The following MDGA2 variants were observed in gnomAD, a reference collection of about 807,000 sequenced individuals.
MDGA2 encodes MAM domain-containing glycosylphosphatidylinositol anchor protein 2.
In MDGA2, 40 loss-of-function variants were observed where a neutral mutation model predicts 117.8. The ratio of observed to expected loss-of-function variants is 0.34; its 90% confidence interval spans 0.26 to 0.44. The LOEUF is 0.44. MDGA2 is among the 20% of genes least tolerant of loss of function. The pLI, the probability that MDGA2 is intolerant of heterozygous loss-of-function variation, is 1.00. For missense variants in MDGA2, 1,123 were observed against 1,250.6 expected (o/e 0.90, Z 1.54); for synonymous variants, 452 against 439.0 (o/e 1.03, Z -0.37).
chr14:47,469,864 T>G (rs897660963), intron 1 of MDGA2, among the ~76,000 whole-genome samples: 1 of 152,144 alleles, frequency 6.6e-6, no homozygotes, highest in African/African-American at 2.4e-5. Context: ...TGTCAGCACT[T>G]TCATGTTATA....
intron 10 of MDGA2, among the ~76,000 whole-genome samples, chr14:46,910,468 A>G (rs954282949): frequency 4.6e-5 from 7 of 152,110 alleles, no homozygotes; most frequent in African/African-American, 9.7e-5. Flanking sequence ...AACTGTTCCT[A>G]TGGTCCTTCA....
chr14:46,918,824 C>T (rs1595043967), intron 10 of MDGA2, among the ~76,000 whole-genome samples: 1 of 145,162 alleles, frequency 6.9e-6, no homozygotes, highest in African/African-American at 2.7e-5. Context: ...TGCAGTGGCG[C>T]GACCTCGGCT....
At chr14:47,054,884 TA>T (rs1259167155) in intron 7 of MDGA2, among the ~76,000 whole-genome samples, 1 of 151,858 alleles carries the variant, frequency 6.6e-6, no homozygotes, top group Non-Finnish European at 1.5e-5. Flanking sequence ...ATGTTAGAGC[TA>T]AAACCATAAA....
chr14:46,877,443 GTATT>G (rs568070086), intron 12 of MDGA2, 42 bp downstream of exon 12: 3 of 1,058,188 alleles, frequency 2.8e-6, no homozygotes, highest in Non-Finnish European at 2.7e-6. Context: ...TTATATTTTT[GTATT>G]TATTAAATAT....
Position 46,998,942 on chromosome 14 carries a change from T to C in MDGA2, c.1819+36069A>G, listed in dbSNP as rs76276879. 7.6e-4 allele frequency among the ~76,000 whole-genome samples: 116 copies of C among 152,146 alleles called. 1 individual carries two copies. In the East Asian group the frequency reaches 0.021, roughly 28 times the overall value. On this transcript the variant is annotated intron_variant, in intron 8 of 16. Transcript: ENST00000399232. ...CTACAAATTGTTCTATCATAAGAAA[T>C]CTCAGGAACCTACCCTTCCCAGTAG...
chr14:47,622,633 A>C (rs1422974497), intron 1 of MDGA2, among the ~76,000 whole-genome samples: 1 of 152,230 alleles, frequency 6.6e-6, no homozygotes, highest in Non-Finnish European at 1.5e-5. Flanking sequence ...GCTGATCTTT[A>C]GGAAGTTGCA....
intron 1 of MDGA2, among the ~76,000 whole-genome samples, chr14:47,672,101 C>T (rs1594975113): frequency 6.6e-6 from 1 of 152,142 alleles, no homozygotes; most frequent in African/African-American, 2.4e-5. Flanking sequence ...CAGGGTGATG[C>T]TAATGCTGAA....
At chr14:47,299,479 G>C (rs906128486) in intron 2 of MDGA2, 1 of 152,084 alleles carries the variant, frequency 6.6e-6, no homozygotes, top group Non-Finnish European at 1.5e-5. Flanking sequence ...GCTTCTTTTG[G>C]ATGTGTTTAG....
intron 1 of MDGA2, among the ~76,000 whole-genome samples, chr14:47,383,549 T>A (rs1891684209): frequency 6.6e-6 from 1 of 151,998 alleles, no homozygotes; most frequent in African/African-American, 2.4e-5. Flanking sequence ...CTTGAATTTC[T>A]TTTTTTCGAG....
intron 10 of MDGA2, among the ~76,000 whole-genome samples, chr14:46,897,008 AGGGTTCT>A (rs1883102527): frequency 6.6e-6 from 1 of 152,168 alleles, no homozygotes; most frequent in Non-Finnish European, 1.5e-5. Context: ...TATATCCAGT[AGGGTTCT>A]TTGTTTAAAG....
chr14:47,390,447 C>G (rs754205702), intron 1 of MDGA2, among the ~76,000 whole-genome samples: 3 of 152,092 alleles, frequency 2.0e-5, no homozygotes, highest in Non-Finnish European at 2.9e-5. Context: ...CGTAAAGATA[C>G]TATCGTTTTT....
chr14:46,846,742 G>GT (rs1338123872), intron 15 of MDGA2, among the ~76,000 whole-genome samples: 2 of 151,988 alleles, frequency 1.3e-5, no homozygotes, highest in Non-Finnish European at 2.9e-5. Context: ...TTTTGATACT[G>GT]TAAGGCAATT....
At chr14:47,107,364 G>T (rs762883316) in intron 5 of MDGA2, among the ~76,000 whole-genome samples, 45 of 151,934 alleles carry the variant, frequency 3.0e-4, no homozygotes, top group Admixed American at 9.2e-4. Flanking sequence ...TAAACCCCGT[G>T]GTGCCAAACC....
At position 47,188,018 on chromosome 14, in the gene MDGA2, T is replaced by G. The variant is rs368524905; in HGVS notation, c.595+30003A>C. On this transcript the variant is annotated intron_variant, in intron 3 of 16. Coordinates refer to ENST00000399232, the MANE Select transcript of MDGA2 (RefSeq NM_001113498.3). ...TGTAGTAAAAATATGAATGTAAAAA[T>G]AGTCTAAAGGAAAAGATATTTTCCC... 2.1e-4 allele frequency among the ~76,000 whole-genome samples: 32 copies of G among 152,140 alleles called. No individual in the cohort carries two copies. The South Asian group carries it at 6.2e-3, about 30-fold the overall frequency.
intron 2 of MDGA2, among the ~76,000 whole-genome samples, chr14:47,218,902 T>G (rs975862418): frequency 1.2e-4 from 19 of 152,108 alleles, no homozygotes; most frequent in South Asian, 8.3e-4. Context: ...TTATAAACAA[T>G]ACCATTATTT....
intron 5 of MDGA2, among the ~76,000 whole-genome samples, chr14:47,126,093 T>G (rs1881889305): frequency 6.6e-6 from 1 of 152,004 alleles, no homozygotes; most frequent in African/African-American, 2.4e-5. Context: ...ACTTATAAAT[T>G]TTAACAGGCT....
intron 7 of MDGA2, among the ~76,000 whole-genome samples, chr14:47,041,321 T>C (rs2138677634): frequency 6.6e-6 from 1 of 152,202 alleles, no homozygotes; most frequent in Admixed American, 6.5e-5. Context: ...ATTTTATCAT[T>C]TGGTTTTTAG....
In MDGA2 at chr14:47,479,117, T is replaced by C. The variant is rs902938131; in HGVS notation, c.281-177567A>G. Among the ~76,000 whole-genome samples, 8 of 152,346 alleles carry C rather than the reference T, an allele frequency of 5.3e-5. No homozygotes were observed. In the South Asian group the frequency reaches 8.3e-4, roughly 16 times the overall value. ...ATATAATAATTACTAAATCATGATATAAAGTCAGAAATAATTTGAAATAGA... is the reference window on the plus strand; with the variant it reads ...ATATAATAATTACTAAATCATGATACAAAGTCAGAAATAATTTGAAATAGA... On this transcript the variant is annotated intron_variant, in intron 1 of 16. Coordinates refer to ENST00000399232, the MANE Select transcript of MDGA2 (RefSeq NM_001113498.3).
At chr14:47,188,773 G>T (rs1193960634) in intron 3 of MDGA2, among the ~76,000 whole-genome samples, 1 of 152,072 alleles carries the variant, frequency 6.6e-6, no homozygotes, top group Admixed American at 6.6e-5. Flanking sequence ...AAGATGATTG[G>T]AGGAGATTCA....
Sources: allele counts gnomAD v4.1 joint callset (sites outside exome capture counted in the v4.1 genomes callset), GRCh38; gene constraint gnomAD v4.1.1; transcripts MANE v1.5; gene names NCBI Gene and HGNC (gene_info 2026-07-23, HGNC 2026-07-21).